Variants in TGIF1 observed in about 807,000 individuals in gnomAD.
The protein encoded by TGIF1 is homeobox protein TGIF1.
A neutral mutation model predicts 19.3 loss-of-function variants in TGIF1; 4 were observed. The ratio of observed to expected loss-of-function variants is 0.21; its 90% confidence interval spans 0.10 to 0.47. TGIF1 has a LOEUF of 0.47. Ranked by LOEUF, TGIF1 falls within the 20% of genes least tolerant of loss-of-function variation. The pLI, the probability that TGIF1 is intolerant of heterozygous loss-of-function variation, is 0.98. For synonymous variants in TGIF1, 122 were observed against 129.3 expected (o/e 0.94, Z 0.38); for missense variants, 275 against 341.4 (o/e 0.81, Z 1.53).
intron 1 of TGIF1, 26 bp downstream of exon 1, chr18:3,450,531 C>G (rs1389327656): frequency 1.3e-6 from 2 of 1,557,868 alleles, no homozygotes; most frequent in Non-Finnish European, 1.7e-6. Context: ...GCTGCGCGCA[C>G]CAGAAGACGC....
At chr18:3,412,512 G>A (rs560652188) in intron 1 of TGIF1, among the ~76,000 whole-genome samples, 5 of 152,320 alleles carry the variant, frequency 3.3e-5, no homozygotes, top group Middle Eastern at 3.4e-3. Context: ...AGAGGAGCAG[G>A]TGCGCTTCTA....
upstream of TGIF1, chr18:3,447,583 T>C: frequency 1.2e-6 from 1 of 833,466 alleles, no homozygotes; most frequent in South Asian, 1.4e-5. Flanking sequence ...GCACCAAGAA[T>C]CCGAAACTCC....
At chr18:3,426,397 G>A (rs1487044494) in intron 2 of TGIF1, among the ~76,000 whole-genome samples, 1 of 151,920 alleles carries the variant, frequency 6.6e-6, no homozygotes, top group Non-Finnish European at 1.5e-5. Context: ...TCAAACTCCT[G>A]ACCTCCAGCG....
At chr18:3,452,562 TC>T (rs2083008944) in intron 1 of TGIF1, among the ~76,000 whole-genome samples, 1 of 152,176 alleles carries the variant, frequency 6.6e-6, no homozygotes, top group Non-Finnish European at 1.5e-5. Context: ...GTCCTGGAGT[TC>T]CTTTGCTTGT....
chr18:3,456,543 C>T lies in TGIF1; in HGVS notation c.206C>T (p.Ala69Val), dbSNP rs867943088. The change falls in exon 2 of 3, where the codon GCG becomes GTG. Residue 69 changes from alanine (A) to valine (V), a missense_variant. By Grantham distance (64) the Ala-to-Val change is moderately conservative. Coordinates refer to ENST00000343820, the MANE Select transcript of TGIF1 (RefSeq NM_003244.4). This position sits in a 1 kb window ranked among gnomAD's most constrained non-coding sequence, Gnocchi z 4.2. ...GCCTATCCTTCAGAGCAAGAAAAAG[C>T]GTTGCTGTCCCAGCAAACACACCTG... Reference protein sequence around the residue: ...YNAYPSEQEKALLSQQTHLST... With the variant: ...YNAYPSEQEKVLLSQQTHLST... The T allele has an allele frequency of 3.7e-6, 6 of 1,614,092 alleles. No individual in the cohort carries two copies. In the African/African-American group the frequency reaches 5.3e-5, roughly 14 times the overall value.
At chr18:3,439,485 T>C (rs1338977765) in intron 2 of TGIF1, among the ~76,000 whole-genome samples, 4 of 151,876 alleles carry the variant, frequency 2.6e-5, no homozygotes, top group Non-Finnish European at 5.9e-5. Context: ...CTGGGATTAC[T>C]GGCATGCTCC....
upstream of TGIF1, chr18:3,448,437 T>C: frequency 5.0e-6 from 5 of 993,672 alleles, no homozygotes; most frequent in Non-Finnish European, 4.8e-6. Context: ...AGCTGATTCA[T>C]CTGCAGCCAG....
intron 2 of TGIF1, among the ~76,000 whole-genome samples, chr18:3,444,747 A>G (rs1568040907): frequency 6.6e-6 from 1 of 152,212 alleles, no homozygotes; most frequent in Non-Finnish European, 1.5e-5. Context: ...TTTTTTAAAA[A>G]TAAAAAAACA....
chr18:3,422,040 A>T (rs2082405436), intron 2 of TGIF1, among the ~76,000 whole-genome samples: 1 of 152,042 alleles, frequency 6.6e-6, no homozygotes, highest in Non-Finnish European at 1.5e-5. Flanking sequence ...CTAAAAATAC[A>T]AAAATTAATT....
upstream of TGIF1, chr18:3,448,508 C>T (rs2082792811): frequency 1.0e-6 from 1 of 990,248 alleles, no homozygotes; most frequent in African/African-American, 1.7e-5. Flanking sequence ...GTGGCTTGTC[C>T]CCAGGACCGC....
chr18:3,425,309 G>A (rs941712639), intron 2 of TGIF1, among the ~76,000 whole-genome samples: 1 of 152,204 alleles, frequency 6.6e-6, no homozygotes, highest in African/African-American at 2.4e-5. Context: ...GAGAAATTTA[G>A]TTTATAGTTT....
chr18:3,433,931 G>C (rs1434499121), intron 2 of TGIF1, among the ~76,000 whole-genome samples: 1 of 152,134 alleles, frequency 6.6e-6, no homozygotes, highest in Admixed American at 6.6e-5. Flanking sequence ...GTAAATGAGG[G>C]TTCACAGTCC....
At chr18:3,415,486 C>A in intron 1 of TGIF1, 3 of 479,654 alleles carry the variant, frequency 6.3e-6, no homozygotes, top group South Asian at 4.5e-5. Context: ...AGGAGCAAGT[C>A]ATGAGTTCCT....
Position 3,451,802 on chromosome 18 carries a change from G to A in TGIF1, c.16+1297G>A. On this transcript the variant is annotated intron_variant, in intron 1 of 2. Coordinates refer to ENST00000343820, the MANE Select transcript of TGIF1 (RefSeq NM_003244.4). The surrounding 1 kb of genome is among the most constrained non-coding windows in gnomAD (Gnocchi z 5.4). ...TAGAACGCCCTAAGGACCCCTCCCC[G>A]CGGGACGGAGGGAGGACTCGGGACA... The A allele has an allele frequency of 7.7e-7, 1 of 1,295,460 alleles. No individual in the cohort carries two copies. The highest frequency in any genetic ancestry group is 9.8e-7 in the Non-Finnish European group (1 of 1,021,692). 80.2% of individuals were successfully genotyped at this position (1,295,460 alleles called of 1,614,324 possible).
intron 2 of TGIF1, chr18:3,418,880 A>G (rs2082365680): frequency 6.6e-6 from 1 of 152,260 alleles, no homozygotes; most frequent in Admixed American, 6.6e-5. Flanking sequence ...CAACATGGTG[A>G]AAAACCATCT....
upstream of TGIF1, chr18:3,447,835 G>C: frequency 6.2e-7 from 1 of 1,612,214 alleles, no homozygotes; most frequent in Non-Finnish European, 8.5e-7. Flanking sequence ...CCCCTAATTC[G>C]AAAGAGGCTT....
chr18:3,458,364 G>T lies in TGIF1; in HGVS notation c.*424G>T. On this transcript the variant is annotated 3_prime_UTR_variant, in exon 3 of 3. Coordinates refer to ENST00000343820, the MANE Select transcript of TGIF1 (RefSeq NM_003244.4). ...TTTTCAAACAAGTATGAATCTAGTT[G>T]GTTGATGCCTTTTTTTTCATGACAT... 3 of 160,114 alleles carry T rather than the reference G, an allele frequency of 1.9e-5. No homozygotes were observed. Among genetic ancestry groups the T allele is most frequent in the Non-Finnish European group, 4.0e-5 (3 of 74,492 alleles). The allele number at this position is 160,114 out of a possible 1,614,324, so 9.9% of individuals were successfully genotyped here. A position where few individuals can be genotyped will look rare whatever the true frequency, so the allele number is the denominator to read the frequency against.
Position 3,457,429 on chromosome 18 carries a change from A to G in TGIF1, c.308A>G (p.Lys103Arg), listed in dbSNP as rs1346212761. The change falls in exon 3 of 3, where the codon AAA becomes AGA. Residue 103 changes from lysine (K) to arginine (R), a missense_variant. Coordinates refer to ENST00000343820, the MANE Select transcript of TGIF1 (RefSeq NM_003244.4). The surrounding 1 kb of genome is among the most constrained non-coding windows in gnomAD (Gnocchi z 4.9). Reference sequence around the variant, plus strand: ...CCTGACATGCTGAGAAAGGATGGCAAAGATCCAAATCAGTTCACAATTTCC... The same window carrying G: ...CCTGACATGCTGAGAAAGGATGGCAGAGATCCAAATCAGTTCACAATTTCC... ...LLPDMLRKDGKDPNQFTISRR... is the reference protein window; with the variant it reads ...LLPDMLRKDGRDPNQFTISRR... 4.3e-6 allele frequency: 7 copies of G among 1,614,090 alleles called. No homozygotes were observed. Among genetic ancestry groups the G allele is most frequent in the Middle Eastern group, 1.6e-4 (1 of 6,084 alleles).
At chr18:3,446,518 C>T (rs528811776), upstream of TGIF1, among the ~76,000 whole-genome samples, 1 of 152,016 alleles carries the variant, frequency 6.6e-6, no homozygotes, top group African/African-American at 2.4e-5. Context: ...TTCCAAAACT[C>T]ATTTAGGTAA....
Sources: allele counts gnomAD v4.1 joint callset (sites outside exome capture counted in the v4.1 genomes callset), GRCh38; gene constraint gnomAD v4.1.1; non-coding constraint Gnocchi (gnomAD v3.1); transcripts MANE v1.5; gene names NCBI Gene and HGNC (gene_info 2026-07-23, HGNC 2026-07-21).